Variants in ZC3H12B observed in about 807,000 individuals in gnomAD.
The protein encoded by ZC3H12B is probable ribonuclease ZC3H12B.
ZC3H12B carries 7 observed loss-of-function variants against 43.9 expected under a neutral mutation model. That is an observed-to-expected ratio of 0.16 (90% CI 0.09 to 0.30). The LOEUF (loss-of-function observed/expected upper bound fraction) is 0.30, where lower values mean the gene tolerates loss of function less well. Ranked by LOEUF, ZC3H12B falls within the 10% of genes least tolerant of loss-of-function variation. ZC3H12B has a pLI of 1.00. For missense variants in ZC3H12B, 475 were observed against 670.2 expected (o/e 0.71, Z 3.22); for synonymous variants, 222 against 241.7 (o/e 0.92, Z 0.76).
chrX:65,460,111 G>C (rs2067714605), intron 3 of ZC3H12B, among the ~76,000 whole-genome samples: 1 of 111,540 alleles, frequency 9.0e-6, no homozygotes, highest in Non-Finnish European at 1.9e-5. Flanking sequence ...ATTCATAATT[G>C]CTTCAAAGAG....
At chrX:65,495,577 C>T (rs1240908840) in intron 1 of ZC3H12B, among the ~76,000 whole-genome samples, 3 of 111,883 alleles carry the variant, frequency 2.7e-5, no homozygotes, top group Admixed American at 9.5e-5. Flanking sequence ...AGAATTGGTA[C>T]GTGTATGCCC....
the ZC3H12B span, among the ~76,000 whole-genome samples, chrX:65,192,541 G>T: frequency 1.8e-5 from 2 of 110,587 alleles, no homozygotes; most frequent in African/African-American, 6.6e-5. Context: ...CCAGTTTTTT[G>T]GTAGGTTTAT....
At chrX:65,367,400 C>G (rs965875215) in intron 1 of ZC3H12B, among the ~76,000 whole-genome samples, 1 of 111,216 alleles carries the variant, frequency 9.0e-6, no homozygotes, top group African/African-American at 3.3e-5. Context: ...AATATCAACT[C>G]TAGAAAAGCA....
At chrX:65,237,703 C>A in the ZC3H12B span, among the ~76,000 whole-genome samples, 3 of 111,188 alleles carry the variant, frequency 2.7e-5, no homozygotes, top group African/African-American at 9.8e-5. Context: ...GTGGGTTTCT[C>A]ATATATGGCT....
the ZC3H12B span, among the ~76,000 whole-genome samples, chrX:65,356,553 T>A: frequency 8.9e-6 from 1 of 112,454 alleles, no homozygotes; most frequent in East Asian, 2.8e-4. Flanking sequence ...GCCAAAAAAA[T>A]TCCTTCATTG....
chrX:65,202,139 TATA>T, the ZC3H12B span, among the ~76,000 whole-genome samples: 1 of 97,753 alleles, frequency 1.0e-5, no homozygotes, highest in Non-Finnish European at 2.0e-5. Flanking sequence ...ATATATTTTA[TATA>T]ATATGAAATA....
chrX:65,050,035 C>G, the ZC3H12B span, among the ~76,000 whole-genome samples: 9 of 110,646 alleles, frequency 8.1e-5, no homozygotes, highest in Non-Finnish European at 1.5e-4. Context: ...TTAAGATTTC[C>G]TGTTTGACCT....
At chrX:65,267,882 C>T in the ZC3H12B span, among the ~76,000 whole-genome samples, 1 of 111,303 alleles carries the variant, frequency 9.0e-6, no homozygotes, top group South Asian at 3.7e-4. Context: ...GAAGAACAAA[C>T]TAAACCTAAA....
At chrX:65,466,940 A>G (rs868711763) in intron 3 of ZC3H12B, among the ~76,000 whole-genome samples, 1 of 50,752 alleles carries the variant, frequency 2.0e-5, no homozygotes, top group African/African-American at 1.0e-4. Flanking sequence ...ATATATATAT[A>G]TATATATATA....
At chrX:65,207,428 A>C in the ZC3H12B span, among the ~76,000 whole-genome samples, 5 of 110,831 alleles carry the variant, frequency 4.5e-5, no homozygotes, top group Admixed American at 1.9e-4. Context: ...GTGGCAGCTA[A>C]GCTATGAGGA....
chrX:65,234,257 A>T, the ZC3H12B span, among the ~76,000 whole-genome samples: 2 of 112,243 alleles, frequency 1.8e-5, no homozygotes, highest in Non-Finnish European at 3.8e-5. Flanking sequence ...GGGACAAAAA[A>T]CATATGGTCA....
the ZC3H12B span, among the ~76,000 whole-genome samples, chrX:65,236,959 A>G: frequency 0.082 from 9,152 of 111,014 alleles, 1,023 homozygotes; most frequent in African/African-American, 0.29. Context: ...GCCTTGGAGT[A>G]TAGTTTGATT....
At chrX:65,312,510 A>T in the ZC3H12B span, among the ~76,000 whole-genome samples, 1 of 92,732 alleles carries the variant, frequency 1.1e-5, no homozygotes, top group East Asian at 2.8e-4. Context: ...CTTTGGATAA[A>T]GGAGCCAAAA....
At chrX:65,077,239 T>C in the ZC3H12B span, among the ~76,000 whole-genome samples, 1 of 111,756 alleles carries the variant, frequency 8.9e-6, no homozygotes, top group African/African-American at 3.3e-5. Context: ...CTACCGGGTG[T>C]CATTGAGCCA....
chrX:65,187,648 G>A, the ZC3H12B span, among the ~76,000 whole-genome samples: 2 of 106,772 alleles, frequency 1.9e-5, no homozygotes, highest in African/African-American at 3.4e-5. Context: ...TATTTTTATT[G>A]ATTTTACTTT....
At chrX:65,381,523 C>T (rs752507060) in intron 2 of ZC3H12B, among the ~76,000 whole-genome samples, 28 of 110,729 alleles carry the variant, frequency 2.5e-4, no homozygotes, top group African/African-American at 9.2e-4. Flanking sequence ...AATTGACACC[C>T]TAACATCACA....
At chrX:65,067,069 G>A in the ZC3H12B span, among the ~76,000 whole-genome samples, 1 of 111,199 alleles carries the variant, frequency 9.0e-6, no homozygotes. Context: ...ATCATAGCTT[G>A]CTTTGCTCTG....
the ZC3H12B span, among the ~76,000 whole-genome samples, chrX:65,266,121 CTT>C: frequency 8.9e-6 from 1 of 111,755 alleles, no homozygotes; most frequent in Non-Finnish European, 1.9e-5. Context: ...TAAAAATTCT[CTT>C]GAGTGTTTGG....
chrX:65,056,825 A>G, the ZC3H12B span, among the ~76,000 whole-genome samples: 1 of 111,645 alleles, frequency 9.0e-6, no homozygotes, highest in South Asian at 3.8e-4. Context: ...GGTTGAATTG[A>G]TCCCTTTACT....
Sources: gnomAD v4.1 joint callset for allele counts (sites outside exome capture counted in the v4.1 genomes callset) on GRCh38, gnomAD v4.1.1 for gene constraint, MANE v1.5 for transcripts, NCBI Gene and HGNC (gene_info 2026-07-23, HGNC 2026-07-21) for gene names.